The following IMMP1L variants were observed in gnomAD, a reference collection of about 807,000 sequenced individuals.
The protein encoded by IMMP1L is mitochondrial inner membrane protease subunit 1.
Under a neutral mutation model 21.8 loss-of-function variants are expected in IMMP1L, and 24 were observed. That is an observed-to-expected ratio of 1.10 (90% CI 0.80 to 1.55). IMMP1L has a LOEUF of 1.55. Among genes scored for constraint, IMMP1L ranks in the 40% most tolerant of loss-of-function variants. The probability of loss-of-function intolerance (pLI) is 0.00; values close to 1 mark genes in which losing one functional copy is unlikely to be tolerated. For missense variants in IMMP1L, 195 were observed against 200.7 expected, an observed-to-expected ratio of 0.97 and a Z score of 0.17; for synonymous variants, 46 against 62.8, an observed-to-expected ratio of 0.73 and a Z score of 1.26.
chr11:31,476,436 A>T (rs1243470046), intron 1 of IMMP1L, among the ~76,000 whole-genome samples: 1 of 152,078 alleles, frequency 6.6e-6, no homozygotes, highest in African/African-American at 2.4e-5. Context: ...CTTTATATGG[A>T]AAAGAATAAA....
chr11:31,437,402 G>T (rs1040504649), intron 4 of IMMP1L, among the ~76,000 whole-genome samples: 5 of 152,016 alleles, frequency 3.3e-5, no homozygotes, highest in African/African-American at 1.2e-4. Flanking sequence ...TCCACTTGTG[G>T]CATCACACAG....
chr11:31,463,334 A>C, intron 1 of IMMP1L, 29 bp from the exon 2 acceptor site: 5 of 1,545,670 alleles, frequency 3.2e-6, no homozygotes, highest in Non-Finnish European at 4.3e-6. Flanking sequence ...AAGTTTCATG[A>C]TCAATACTAT....
intron 4 of IMMP1L, among the ~76,000 whole-genome samples, chr11:31,434,120 G>C (rs1474031612): frequency 6.6e-6 from 1 of 152,066 alleles, no homozygotes; most frequent in African/African-American, 2.4e-5. Context: ...TTCTGCCTTT[G>C]TACAGGCCAT....
intron 4 of IMMP1L, among the ~76,000 whole-genome samples, chr11:31,435,473 T>C (rs1036804733): frequency 2.6e-5 from 4 of 152,374 alleles, no homozygotes; most frequent in Non-Finnish European, 5.9e-5. Context: ...TATTGCATTT[T>C]AGTTTGGTGC....
intron 1 of IMMP1L, among the ~76,000 whole-genome samples, chr11:31,479,816 A>T (rs1368215863): frequency 1.3e-5 from 2 of 152,068 alleles, no homozygotes; most frequent in African/African-American, 4.8e-5. Flanking sequence ...GAAATGGTGC[A>T]ACTAATAAAA....
At chr11:31,433,320 A>C in intron 5 of IMMP1L, 140 bp downstream of exon 5, 1 of 527,970 alleles carries the variant, frequency 1.9e-6, no homozygotes, top group South Asian at 3.2e-5. Flanking sequence ...ATGGCTATTA[A>C]GTTAAGGCCA....
chr11:31,453,002 T>G (rs879591162), intron 4 of IMMP1L: 50 of 1,084,872 alleles, frequency 4.6e-5, no homozygotes, highest in Non-Finnish European at 6.0e-5. Context: ...TCTGCCTGCC[T>G]TGGCCTCTCA....
At chr11:31,451,105 T>A (rs544837694) in intron 4 of IMMP1L, among the ~76,000 whole-genome samples, 2 of 152,144 alleles carry the variant, frequency 1.3e-5, no homozygotes, top group East Asian at 3.8e-4. Flanking sequence ...CATTATTGTG[T>A]TCCAATGACA....
At chr11:31,452,392 C>A (rs556760522) in intron 4 of IMMP1L, 1 of 985,326 alleles carries the variant, frequency 1.0e-6, no homozygotes, top group South Asian at 4.7e-5. Flanking sequence ...TGAGCCCTGG[C>A]CCTACATTCC....
chr11:31,499,857 T>A (rs868702238), intron 1 of IMMP1L, among the ~76,000 whole-genome samples: 2 of 151,914 alleles, frequency 1.3e-5, no homozygotes, highest in Non-Finnish European at 2.9e-5. Context: ...AACATGAGAA[T>A]GCTTCAGGAA....
chr11:31,480,056 A>T lies in IMMP1L; in HGVS notation c.-29-16751T>A, dbSNP rs950345997. 4.6e-5 allele frequency among the ~76,000 whole-genome samples: 7 copies of T among 152,156 alleles called. No homozygotes were observed. In the South Asian group the frequency reaches 6.2e-4, roughly 14 times the overall value. On this transcript the variant is annotated intron_variant, in intron 1 of 5. Coordinates refer to ENST00000532287, the MANE Select transcript of IMMP1L (RefSeq NM_001304274.2). Reference sequence around the variant, plus strand: ...TTTAGTCCAGTAAATACAGGTTTTTAAAAAAATTGTCTCTTGAGCAATTTC... The same window carrying T: ...TTTAGTCCAGTAAATACAGGTTTTTTAAAAAATTGTCTCTTGAGCAATTTC...
In IMMP1L at chr11:31,448,507, C is replaced by T. The variant is rs1002969193; in HGVS notation, c.321+7753G>A. 4.6e-5 allele frequency among the ~76,000 whole-genome samples: 7 copies of T among 152,216 alleles called. No individual in the cohort carries two copies. In the East Asian group the frequency reaches 1.4e-3, roughly 29 times the overall value. On this transcript the variant is annotated intron_variant, in intron 4 of 5. Coordinates refer to ENST00000532287, the MANE Select transcript of IMMP1L (RefSeq NM_001304274.2). ...TTTAAAGTACAGAAGTCCCAGATAACTTGCAGATAAAAATACATATAATAT... is the reference window on the plus strand; with the variant it reads ...TTTAAAGTACAGAAGTCCCAGATAATTTGCAGATAAAAATACATATAATAT...
rs193273237 is a variant in IMMP1L, at chr11:31,444,262, G to T, written c.322-10692C>A. 3.0e-3 allele frequency among the ~76,000 whole-genome samples: 452 copies of T among 152,334 alleles called. 2 individuals are homozygous for T. Among genetic ancestry groups the T allele is most frequent in the African/African-American group, 0.01 (416 of 41,582 alleles). ...GGCACCCAGGAAGCAATCAGTAAGA[G>T]CACTTACTAGCAGCTGCCACATTTG... On this transcript the variant is annotated intron_variant, in intron 4 of 5. Transcript: ENST00000532287.
chr11:31,446,497 G>T (rs1953526920), intron 4 of IMMP1L, among the ~76,000 whole-genome samples: 1 of 152,116 alleles, frequency 6.6e-6, no homozygotes, highest in South Asian at 2.1e-4. Flanking sequence ...TATTGCCCAG[G>T]TTGACTTTGA....
intron 1 of IMMP1L, among the ~76,000 whole-genome samples, chr11:31,479,531 T>C (rs1185549302): frequency 1.3e-5 from 2 of 152,072 alleles, no homozygotes; most frequent in Non-Finnish European, 2.9e-5. Flanking sequence ...TAAAACTGTG[T>C]AATACTTTAG....
rs764159033 is a variant in IMMP1L at position 31,433,560 on chromosome 11, C to G, written c.332G>C (p.Gly111Ala). ...ATTGTCACCTTCTAACCAAACATGACCCATTGGCACCTAGAATTAGAGAAG... is the reference window on the plus strand; with the variant it reads ...ATTGTCACCTTCTAACCAAACATGAGCCATTGGCACCTAGAATTAGAGAAG... ...FFKSHSYVPM[G>A]HVWLEGDNLQ... Residue 111 changes from glycine to alanine, a missense_variant, in exon 5 of 6, where the codon GGT becomes GCT. By Grantham distance (60) the Gly-to-Ala change is moderately conservative. Coordinates refer to ENST00000532287, the MANE Select transcript of IMMP1L (RefSeq NM_001304274.2). 6.2e-7 allele frequency: 1 copy of G among 1,603,410 alleles called. No homozygotes were observed. The highest frequency in any genetic ancestry group is 2.2e-5 in the East Asian group (1 of 44,714).
At chr11:31,491,258 A>G (rs1452757813) in intron 1 of IMMP1L, among the ~76,000 whole-genome samples, 1 of 152,216 alleles carries the variant, frequency 6.6e-6, no homozygotes, top group Non-Finnish European at 1.5e-5. Context: ...TCTTAAGAGA[A>G]CTCTGCTAAT....
intron 4 of IMMP1L, among the ~76,000 whole-genome samples, chr11:31,443,016 G>T (rs946818952): frequency 1.3e-5 from 2 of 151,984 alleles, no homozygotes; most frequent in African/African-American, 4.8e-5. Flanking sequence ...ATATTAAAAA[G>T]ATGTCATTTT....
chr11:31,452,252 G>A (rs1953781401), intron 4 of IMMP1L: 3 of 984,022 alleles, frequency 3.0e-6, no homozygotes, highest in Non-Finnish European at 2.4e-6. Context: ...ATTTCAAAAT[G>A]CCTATTTCAT....
Sources: gnomAD v4.1 joint callset for allele counts (sites outside exome capture counted in the v4.1 genomes callset) on GRCh38, gnomAD v4.1.1 for gene constraint, MANE v1.5 for transcripts, NCBI Gene and HGNC (gene_info 2026-07-23, HGNC 2026-07-21) for gene names.